NLRC5: variants seen among roughly 807,000 people sequenced by gnomAD.
The protein encoded by NLRC5 is protein NLRC5.
A neutral mutation model predicts 206.9 loss-of-function variants in NLRC5; 114 were observed. The observed-to-expected ratio is 0.55, with a 90% CI of 0.47 to 0.64. NLRC5 has a LOEUF of 0.64. Among genes scored for constraint, NLRC5 ranks in the 30% least tolerant of loss-of-function variants. NLRC5 has a pLI of 0.00. For missense variants in NLRC5, 2,008 were observed against 2,305.5 expected (o/e 0.87, Z 2.64); for synonymous variants, 952 against 962.8 (o/e 0.99, Z 0.21).
intron 26 of NLRC5, 45 bp from the exon 27 acceptor site, chr16:57,055,388 G>T: frequency 6.3e-7 from 1 of 1,582,998 alleles, no homozygotes; most frequent in South Asian, 1.1e-5. Flanking sequence ...GGGTCTCAGT[G>T]GCCAAACGCC....
intron 4 of NLRC5, among the ~76,000 whole-genome samples, chr16:57,023,323 G>A (rs549295081): frequency 6.6e-6 from 1 of 152,308 alleles, no homozygotes; most frequent in South Asian, 2.1e-4. Flanking sequence ...AACTATTAAG[G>A]GAAGTGAGGA....
chr16:57,027,775 A>T lies in NLRC5; in HGVS notation c.2076-297A>T, dbSNP rs146363815. ...CAATGCATTAAAGTTCAGTCCTGAAACTAGGATACATCCCTTCCACTCACA... is the reference window on the plus strand; with the variant it reads ...CAATGCATTAAAGTTCAGTCCTGAATCTAGGATACATCCCTTCCACTCACA... On this transcript the variant is annotated intron_variant, in intron 6 of 48. Transcript: ENST00000688547. 1.7e-3 allele frequency among the ~76,000 whole-genome samples: 252 copies of T among 152,332 alleles called. 1 individual carries two copies. The highest frequency in any genetic ancestry group is 5.9e-3 in the African/African-American group (244 of 41,560).
Position 57,055,048 on chromosome 16 carries a change from A to G in NLRC5, c.3613A>G (p.Thr1205Ala), listed in dbSNP as rs549478838. The G allele has an allele frequency of 6.2e-7, 1 of 1,614,232 alleles. No homozygotes were observed. Among genetic ancestry groups the G allele is most frequent in the African/African-American group, 1.3e-5 (1 of 75,066 alleles). Residue 1205 changes from threonine to alanine, a missense_variant, in exon 26 of 49, where the codon ACT becomes GCT. By Grantham distance (58) the Thr-to-Ala change is moderately conservative. Coordinates refer to ENST00000688547, the MANE Select transcript of NLRC5 (RefSeq NM_001384950.1). The stretch of plus-strand genomic sequence containing the variant: ...CTGATCCAGGTCCCTGCACCATGCA[A>G]CTTTGCACTTCAGATCCAACGAGGA... ...KVDLRSLHHA[T>A]LHFRSNEEEE...
At chr16:56,991,894 C>A (rs1216281603) in intron 1 of NLRC5, 1 of 152,124 alleles carries the variant, frequency 6.6e-6, no homozygotes, top group Non-Finnish European at 1.5e-5. Context: ...CGCCTCCTAA[C>A]GTGACCTTAT....
intron 6 of NLRC5, among the ~76,000 whole-genome samples, chr16:57,027,613 G>A (rs892353201): frequency 1.0e-4 from 15 of 149,758 alleles, no homozygotes; most frequent in South Asian, 6.4e-4. Context: ...TCAGCTCCAC[G>A]CAGTCATGCA....
rs2062572158 is a variant in NLRC5, at chr16:57,036,323, T to G, written c.2711+140T>G. ...CCAACTCCAGCAAAGTCAAGATGGT[T>G]TGACCATGCCTTGCCTTCACCTCCG... On this transcript the variant is annotated intron_variant, in intron 14 of 48. Coordinates refer to ENST00000688547, the MANE Select transcript of NLRC5 (RefSeq NM_001384950.1). 3 of 760,352 alleles carry G rather than the reference T, an allele frequency of 3.9e-6. No individual in the cohort carries two copies. In the Admixed American group the frequency reaches 6.2e-5, roughly 16 times the overall value. 47.1% of individuals were successfully genotyped at this position (760,352 alleles called of 1,614,324 possible).
chr16:57,010,958 A>G (rs1193423992), intron 1 of NLRC5, among the ~76,000 whole-genome samples: 4 of 152,096 alleles, frequency 2.6e-5, no homozygotes, highest in Admixed American at 1.3e-4. Context: ...AAGGGTCCTA[A>G]AAAGGGTCCA....
chr16:57,013,841 G>T lies in NLRC5; in HGVS notation c.-127-3233G>T, dbSNP rs551892255. ...ATCTCCAGCATAAGTTATTTCATCC[G>T]ATACTTTCTTTTTCAAAAATGGCAA... On this transcript the variant is annotated intron_variant, in intron 1 of 48. Coordinates refer to ENST00000688547, the MANE Select transcript of NLRC5 (RefSeq NM_001384950.1). The T allele has an allele frequency of 1.9e-4, 130 of 678,024 alleles. 2 individuals carry two copies. The highest frequency in any genetic ancestry group is 1.9e-3 in the South Asian group (122 of 64,898). The allele number at this position is 678,024 out of a possible 1,614,324, so 42.0% of individuals were successfully genotyped here. A position where few individuals can be genotyped will look rare whatever the true frequency, so the allele number is the denominator to read the frequency against.
At position 57,034,154 on chromosome 16, in the gene NLRC5, C is replaced by G. The variant is rs778304386; in HGVS notation, c.2544-14C>G. ...GTTTGCCCTGAGCCCTTCTGTCCCC[C>G]ACTCCTACCCAAGGCTGCAGAAGTG... On this transcript the variant is annotated splice_polypyrimidine_tract_variant and intron_variant, in intron 12 of 48. Coordinates refer to ENST00000688547, the MANE Select transcript of NLRC5 (RefSeq NM_001384950.1). 28 of 1,612,222 alleles carry G rather than the reference C, an allele frequency of 1.7e-5. No individual in the cohort carries two copies. The highest frequency in any genetic ancestry group is 4.0e-5 in the African/African-American group (3 of 74,920).
chr16:57,022,839 AT>A (rs1457794778), intron 4 of NLRC5, among the ~76,000 whole-genome samples: 1 of 152,264 alleles, frequency 6.6e-6, no homozygotes, highest in Non-Finnish European at 1.5e-5. Context: ...CTACAGAAGC[AT>A]TGACTTTACT....
In NLRC5 at chr16:57,000,214, A is replaced by C. The variant is rs1207265016; in HGVS notation, c.-128+10597A>C. 2.0e-5 allele frequency among the ~76,000 whole-genome samples: 3 copies of C among 152,112 alleles called. No individual in the cohort carries two copies. In the East Asian group the frequency reaches 5.8e-4, roughly 29 times the overall value. ...CAAACTGCCAGGGCTGAGCAGGAGA[A>C]GCAAGGCCACCAGCTGGCCACCTGC... On this transcript the variant is annotated intron_variant, in intron 1 of 48. Coordinates refer to ENST00000688547, the MANE Select transcript of NLRC5 (RefSeq NM_001384950.1).
intron 16 of NLRC5, among the ~76,000 whole-genome samples, chr16:57,040,350 C>T (rs868503327): frequency 6.6e-6 from 1 of 152,224 alleles, no homozygotes; most frequent in Non-Finnish European, 1.5e-5. Context: ...GGGCTGACAT[C>T]TCTGAAGCAC....
chr16:57,019,283 G>C (rs1228584377), intron 2 of NLRC5, among the ~76,000 whole-genome samples: 1 of 152,150 alleles, frequency 6.6e-6, no homozygotes, highest in Non-Finnish European at 1.5e-5. Flanking sequence ...TGTAATCCCA[G>C]CTACTCGGGA....
rs2060176711 is a variant in NLRC5 at position 57,017,075 on chromosome 16, A to C, written c.-126A>C. On this transcript the variant is annotated splice_region_variant and 5_prime_UTR_variant, in exon 2 of 49. Transcript: ENST00000688547. Reference sequence around the variant, plus strand: ...ACTCCCTGTCTTCTCTCCCCTTAGGAGTCTGCACTATGGAAACAACCTGTC... The same window carrying C: ...ACTCCCTGTCTTCTCTCCCCTTAGGCGTCTGCACTATGGAAACAACCTGTC... The C allele has an allele frequency of 6.5e-6, 1 of 152,746 alleles. No homozygotes were observed. The highest frequency in any genetic ancestry group is 1.5e-5 in the Non-Finnish European group (1 of 68,090). 9.5% of individuals were successfully genotyped at this position (152,746 alleles called of 1,614,324 possible).
intron 32 of NLRC5, 91 bp from the exon 33 acceptor site, chr16:57,065,121 C>T: frequency 3.9e-6 from 3 of 760,694 alleles, no homozygotes; most frequent in Non-Finnish European, 3.8e-6. Flanking sequence ...CTAGGTCCCC[C>T]CCTTGACACT....
At chr16:57,079,028 T>C (rs1191709640) in intron 43 of NLRC5, 22 bp from the exon 44 acceptor site, 4 of 1,610,296 alleles carry the variant, frequency 2.5e-6, no homozygotes, top group East Asian at 2.2e-5. Flanking sequence ...CAGGCTCCTC[T>C]CACCCTCTCC....
chr16:57,000,939 G>C (rs1453907574), intron 1 of NLRC5, among the ~76,000 whole-genome samples: 1 of 152,182 alleles, frequency 6.6e-6, no homozygotes, highest in Non-Finnish European at 1.5e-5. Context: ...TTGAATGCCA[G>C]CAAGGCCTTT....
chr16:57,046,324 T>G (rs1163119577), intron 21 of NLRC5, among the ~76,000 whole-genome samples: 1 of 152,196 alleles, frequency 6.6e-6, no homozygotes, highest in African/African-American at 2.4e-5. Flanking sequence ...CAGGCTTCCC[T>G]TCCCTGAGCC....
At chr16:57,032,921 C>T (rs1427957816) in intron 11 of NLRC5, among the ~76,000 whole-genome samples, 1 of 151,876 alleles carries the variant, frequency 6.6e-6, no homozygotes, top group African/African-American at 2.4e-5. Flanking sequence ...TCACTTGAGC[C>T]CAGGAGTTTG....
Sources: allele counts gnomAD v4.1 joint callset (sites outside exome capture counted in the v4.1 genomes callset), GRCh38; gene constraint gnomAD v4.1.1; transcripts MANE v1.5; gene names NCBI Gene and HGNC (gene_info 2026-07-23, HGNC 2026-07-21).